The following SDK1 variants were observed in gnomAD, a reference collection of about 807,000 sequenced individuals.
SDK1 encodes protein sidekick-1.
A neutral mutation model predicts 245.5 loss-of-function variants in SDK1; 157 were observed. That is an observed-to-expected ratio of 0.64 (90% CI 0.56 to 0.73). The LOEUF is 0.73. Among genes scored for constraint, SDK1 ranks in the 30% least tolerant of loss-of-function variants. The pLI is 0.00. For synonymous variants in SDK1, 1,647 were observed against 1,278.5 expected (o/e 1.29, Z -6.15); for missense variants, 3,583 against 3,002.3 (o/e 1.19, Z -4.52).
intron 1 of SDK1, among the ~76,000 whole-genome samples, chr7:3,501,744 A>G (rs187537691): frequency 6.6e-6 from 1 of 152,120 alleles, no homozygotes; most frequent in Admixed American, 6.5e-5. Flanking sequence ...TTGTTGAAGT[A>G]TGTGCAGTAT....
intron 1 of SDK1, among the ~76,000 whole-genome samples, chr7:3,578,278 A>G (rs750925804): frequency 8.6e-5 from 13 of 150,340 alleles, no homozygotes; most frequent in Non-Finnish European, 1.9e-4. Context: ...GGATTTTATT[A>G]AGGATTAAGG....
chr7:3,322,776 C>T (rs1260559157), intron 1 of SDK1, among the ~76,000 whole-genome samples: 2 of 152,128 alleles, frequency 1.3e-5, no homozygotes, highest in East Asian at 3.8e-4. Flanking sequence ...CTTTTGCTCC[C>T]TTCTCTTCAC....
At chr7:3,745,757 G>C (rs1367532852) in intron 4 of SDK1, among the ~76,000 whole-genome samples, 1 of 152,014 alleles carries the variant, frequency 6.6e-6, no homozygotes. Context: ...AATTAGCCAA[G>C]ATAAGTAGTA....
At chr7:3,823,887 C>T (rs1379878552) in intron 5 of SDK1, among the ~76,000 whole-genome samples, 1 of 151,370 alleles carries the variant, frequency 6.6e-6, no homozygotes. Flanking sequence ...GAGAACCTTC[C>T]TGGTGACATA....
chr7:3,739,538 C>A (rs1207447553), intron 4 of SDK1, among the ~76,000 whole-genome samples: 2 of 152,026 alleles, frequency 1.3e-5, no homozygotes, highest in Non-Finnish European at 2.9e-5. Context: ...TTCAGTGATT[C>A]TTTTTCTGCA....
chr7:3,633,416 G>A (rs1472813700), intron 2 of SDK1, among the ~76,000 whole-genome samples: 2 of 152,068 alleles, frequency 1.3e-5, no homozygotes, highest in African/African-American at 4.8e-5. Context: ...ATATCATCTG[G>A]CAGTGCTTGG....
chr7:3,916,241 T>G (rs1351391140), intron 5 of SDK1, among the ~76,000 whole-genome samples: 1 of 152,226 alleles, frequency 6.6e-6, no homozygotes, highest in African/African-American at 2.4e-5. Context: ...ATTTTACATG[T>G]GAAGAAAGGG....
chr7:4,038,993 C>T (rs1454151090), intron 17 of SDK1, among the ~76,000 whole-genome samples: 1 of 152,092 alleles, frequency 6.6e-6, no homozygotes, highest in African/African-American at 2.4e-5. Context: ...TGAGTAGCAA[C>T]TTTTTTTACC....
intron 20 of SDK1, among the ~76,000 whole-genome samples, chr7:4,076,283 G>A (rs1263858043): frequency 2.6e-5 from 4 of 152,336 alleles, no homozygotes; most frequent in Non-Finnish European, 4.4e-5. Context: ...ATGATTGGCC[G>A]GGTACAGTGG....
At chr7:3,648,222 C>T (rs1305023666) in intron 4 of SDK1, among the ~76,000 whole-genome samples, 1 of 152,074 alleles carries the variant, frequency 6.6e-6, no homozygotes, top group Non-Finnish European at 1.5e-5. Flanking sequence ...CGATGCCATG[C>T]TGTACTTCTC....
chr7:3,957,294 A>G (rs1329862184), intron 7 of SDK1, among the ~76,000 whole-genome samples: 1 of 152,218 alleles, frequency 6.6e-6, no homozygotes, highest in African/African-American at 2.4e-5. Context: ...ACTTGAGCGC[A>G]GGAAACACTG....
rs1335164996 is a variant in SDK1 at position 3,655,475 on chromosome 7, A to ATG, written c.713+13371_713+13372insGT. 2.1e-4 allele frequency among the ~76,000 whole-genome samples: 18 copies of ATG among 87,794 alleles called. 1 individual carries two copies. Among genetic ancestry groups the ATG allele is most frequent in the African/African-American group, 7.8e-4 (18 of 23,010 alleles). 57.6% of individuals were successfully genotyped at this position (87,794 alleles called of 152,430 possible). Reference sequence around the variant, plus strand: ...TATATATATATATATATATATATATATATATATATATATATATATATATAT... The same window carrying ATG: ...TATATATATATATATATATATATATATGTATATATATATATATATATATATAT... On this transcript the variant is annotated intron_variant, in intron 4 of 44. Coordinates refer to ENST00000404826, the MANE Select transcript of SDK1 (RefSeq NM_152744.4).
intron 1 of SDK1, among the ~76,000 whole-genome samples, chr7:3,379,453 C>T (rs1781432434): frequency 6.6e-6 from 1 of 152,016 alleles, no homozygotes; most frequent in African/African-American, 2.4e-5. Context: ...GACTCAGTGA[C>T]CGGGAATGGG....
intron 5 of SDK1, among the ~76,000 whole-genome samples, chr7:3,905,210 G>A (rs992531095): frequency 2.6e-5 from 4 of 151,366 alleles, no homozygotes; most frequent in Non-Finnish European, 4.4e-5. Flanking sequence ...GCTACTACGT[G>A]TTTGTTATAC....
intron 42 of SDK1, 62 bp downstream of exon 42, chr7:4,237,846 G>C (rs747575501): frequency 6.3e-7 from 1 of 1,583,916 alleles, no homozygotes; most frequent in Non-Finnish European, 8.6e-7. Flanking sequence ...CATAGCGTTC[G>C]TTCTCTCGTG....
At chr7:4,180,957 G>C (rs144574193) in intron 35 of SDK1, among the ~76,000 whole-genome samples, 4 of 152,252 alleles carry the variant, frequency 2.6e-5, no homozygotes, top group Admixed American at 6.5e-5. Context: ...GTCTGTCATC[G>C]TGGTAAGATG....
intron 2 of SDK1, among the ~76,000 whole-genome samples, chr7:3,625,945 T>TTTC (rs1782103716): frequency 6.8e-6 from 1 of 147,608 alleles, no homozygotes; most frequent in Admixed American, 6.7e-5. Context: ...TTTCTTTCTT[T>TTTC]TTTTTTTTTT....
intron 38 of SDK1, among the ~76,000 whole-genome samples, chr7:4,212,982 G>C (rs1784583640): frequency 6.6e-6 from 1 of 152,144 alleles, no homozygotes; most frequent in Non-Finnish European, 1.5e-5. Context: ...GCTGCTCTTA[G>C]TCTTGTGAGA....
rs1248821438 is a variant in SDK1 at position 3,974,436 on chromosome 7, G to T, written c.1885G>T (p.Asp629Tyr). The T allele has an allele frequency of 8.1e-6, 13 of 1,614,016 alleles. No homozygotes were observed. The highest frequency in any genetic ancestry group is 2.7e-5 in the African/African-American group (2 of 74,900). The change falls in exon 13 of 45, where the codon GAC becomes TAC. Residue 629 changes from aspartate to tyrosine, a missense_variant. Asp to Tyr is a radical substitution (Grantham distance 160). Coordinates refer to ENST00000404826, the MANE Select transcript of SDK1 (RefSeq NM_152744.4). ...CACGTCTAGGATCGTGGTGGAGAAG[G>T]ACGGGTCCCTTCTCATCAGCCAGAC... Reference protein sequence around the residue: ...SSTSRIVVEKDGSLLISQTWS... With the variant: ...SSTSRIVVEKYGSLLISQTWS...
Sources: gnomAD v4.1 joint callset for allele counts (sites outside exome capture counted in the v4.1 genomes callset) on GRCh38, gnomAD v4.1.1 for gene constraint, MANE v1.5 for transcripts, NCBI Gene and HGNC (gene_info 2026-07-23, HGNC 2026-07-21) for gene names.